The following SEMA3C variants were observed in gnomAD, a reference collection of about 807,000 sequenced individuals.
SEMA3C encodes semaphorin 3C.
In SEMA3C, 47 loss-of-function variants were observed where a neutral mutation model predicts 89.4. That is an observed-to-expected ratio of 0.53 (90% CI 0.42 to 0.67). The LOEUF is 0.67. SEMA3C is among the 30% of genes least tolerant of loss of function. The pLI is 0.00. For missense variants in SEMA3C, 839 were observed against 929.1 expected, an observed-to-expected ratio of 0.90 and a Z score of 1.26; for synonymous variants, 310 against 320.2, an observed-to-expected ratio of 0.97 and a Z score of 0.34.
At chr7:80,902,343 G>T (rs1434702414) in intron 2 of SEMA3C, among the ~76,000 whole-genome samples, 2 of 152,080 alleles carry the variant, frequency 1.3e-5, no homozygotes, top group African/African-American at 4.8e-5. Context: ...CTCAATTTGT[G>T]TTCTGTTTAT....
At chr7:80,859,452 G>T (rs1790719852) in intron 2 of SEMA3C, among the ~76,000 whole-genome samples, 1 of 152,114 alleles carries the variant, frequency 6.6e-6, no homozygotes, top group Admixed American at 6.6e-5. Flanking sequence ...TCATCCTAAA[G>T]ATTTCTACCA....
chr7:80,818,950 T>C (rs929043052), intron 4 of SEMA3C, among the ~76,000 whole-genome samples: 1 of 152,168 alleles, frequency 6.6e-6, no homozygotes, highest in Non-Finnish European at 1.5e-5. Context: ...CATTTACTGA[T>C]TACCTACTAT....
chr7:80,789,852 T>C (rs1013212633), intron 11 of SEMA3C, among the ~76,000 whole-genome samples: 1 of 152,198 alleles, frequency 6.6e-6, no homozygotes, highest in Admixed American at 6.6e-5. Context: ...CACCATTTTG[T>C]TCAGAAAACA....
At chr7:80,816,250 A>G (rs1431559101) in intron 5 of SEMA3C, 4 of 152,206 alleles carry the variant, frequency 2.6e-5, no homozygotes, top group Admixed American at 2.6e-4. Context: ...ATCTATGAAC[A>G]CAGACCAATG....
At chr7:80,816,403 G>A (rs1239661880) in intron 5 of SEMA3C, among the ~76,000 whole-genome samples, 13 of 152,146 alleles carry the variant, frequency 8.5e-5, no homozygotes, top group Non-Finnish European at 1.8e-4. Flanking sequence ...AGGGTCAGCA[G>A]TAAGTATCAC....
At chr7:80,746,530 C>T (rs1313507702) in intron 17 of SEMA3C, among the ~76,000 whole-genome samples, 6 of 151,862 alleles carry the variant, frequency 4.0e-5, no homozygotes, top group Non-Finnish European at 7.4e-5. Flanking sequence ...ATATTTGGCA[C>T]AATTACATTT....
At chr7:80,850,076 A>C (rs1420122730) in intron 2 of SEMA3C, among the ~76,000 whole-genome samples, 2 of 152,192 alleles carry the variant, frequency 1.3e-5, no homozygotes, top group African/African-American at 4.8e-5. Flanking sequence ...AAACTATGAT[A>C]CACTACTCTA....
chr7:80,920,484 T>G (rs1792387641), upstream of SEMA3C, among the ~76,000 whole-genome samples: 1 of 152,124 alleles, frequency 6.6e-6, no homozygotes, highest in African/African-American at 2.4e-5. Context: ...AAATCTCAGG[T>G]AGGAGGAAGA....
Position 80,761,675 on chromosome 7 carries a change from A to T in SEMA3C, c.1444-18T>A. 3 of 1,297,070 alleles carry T rather than the reference A, an allele frequency of 2.3e-6. No individual in the cohort carries two copies. The highest frequency in any genetic ancestry group is 3.2e-6 in the Non-Finnish European group (3 of 940,172). The allele number at this position is 1,297,070 out of a possible 1,614,324, so 80.3% of individuals were successfully genotyped here. On this transcript the variant is annotated intron_variant, in intron 13 of 17. Transcript: ENST00000265361. ...GCATGATTCTAAAATATTAGAAAAC[A>T]ACATGTTAGTTGCTCAAATATTGCT...
chr7:80,833,524 G>A (rs968684853), intron 2 of SEMA3C, among the ~76,000 whole-genome samples: 5 of 152,012 alleles, frequency 3.3e-5, no homozygotes, highest in South Asian at 2.1e-4. Context: ...TTCAAATACT[G>A]CAGGGAGCAA....
rs1215661147 is a variant in SEMA3C, at chr7:80,812,961, A to AT, written c.448-2261dup. Among the ~76,000 whole-genome samples the AT allele has an allele frequency of 5.4e-3, 499 of 92,498 alleles. 4 individuals are homozygous for AT. Among genetic ancestry groups the AT allele is most frequent in the Middle Eastern group, 0.024 (3 of 126 alleles). 60.7% of individuals were successfully genotyped at this position (92,498 alleles called of 152,430 possible). On this transcript the variant is annotated intron_variant, in intron 5 of 17. Transcript: ENST00000265361. Reference sequence around the variant, plus strand: ...ACCACCACGCCTGGCTATTTTTTGTATTTTTTTTTTTTTTTTTTTTTTTTA... The same window carrying AT: ...ACCACCACGCCTGGCTATTTTTTGTATTTTTTTTTTTTTTTTTTTTTTTTTA...
Position 80,751,324 on chromosome 7 carries a change from T to C in SEMA3C, c.1656A>G (p.Arg552=). Residue 552 remains arginine (R), a synonymous_variant, in exon 16 of 18, where the codon AGA becomes AGG. Transcript: ENST00000265361. ...GTGGGTTTCCATGTCTCACATCTTG[T>C]CTTCGGCTCCTCCTGCAAGTGCAGA... is the stretch of plus-strand genomic sequence containing the variant. ...FYPTGKRRSR[R]QDVRHGNPLT... The C allele has an allele frequency of 6.2e-7, 1 of 1,613,982 alleles. No homozygotes were observed. Among genetic ancestry groups the C allele is most frequent in the South Asian group, 1.1e-5 (1 of 91,084 alleles).
intron 2 of SEMA3C, among the ~76,000 whole-genome samples, chr7:80,846,263 T>C (rs936014951): frequency 6.6e-6 from 1 of 152,206 alleles, no homozygotes; most frequent in African/African-American, 2.4e-5. Context: ...GAGCTATCTG[T>C]ATTGTTTGGA....
chr7:80,760,640 A>G (rs1307357305), intron 14 of SEMA3C, among the ~76,000 whole-genome samples: 3 of 152,342 alleles, frequency 2.0e-5, no homozygotes, highest in Admixed American at 1.3e-4. Flanking sequence ...GAGCTCCAGA[A>G]TCATGTAATC....
At chr7:80,905,782 AG>A (rs910033187) in intron 2 of SEMA3C, 12 of 1,030,446 alleles carry the variant, frequency 1.2e-5, no homozygotes, top group Non-Finnish European at 1.6e-5. Flanking sequence ...GGTATGCAGC[AG>A]GGTTTGCCTG....
chr7:80,777,300 G>GTT (rs569289131), intron 12 of SEMA3C, among the ~76,000 whole-genome samples: 2 of 148,054 alleles, frequency 1.4e-5, no homozygotes, highest in Non-Finnish European at 3.0e-5. Context: ...TTTATTTGGG[G>GTT]TTTTTTTTTT....
chr7:80,789,191 A>G (rs1788874032), intron 12 of SEMA3C, 115 bp downstream of exon 12: 1 of 782,614 alleles, frequency 1.3e-6, no homozygotes, highest in Non-Finnish European at 2.1e-6. Context: ...TAAGGGCTAG[A>G]CAGACGTAAT....
chr7:80,827,568 A>G, intron 3 of SEMA3C, 81 bp from the exon 4 acceptor site: 1 of 1,153,702 alleles, frequency 8.7e-7, no homozygotes, highest in Non-Finnish European at 1.2e-6. Flanking sequence ...CTTTTTGTTA[A>G]CAGATTTATT....
At chr7:80,847,789 C>A (rs1318046442) in intron 2 of SEMA3C, among the ~76,000 whole-genome samples, 1 of 152,146 alleles carries the variant, frequency 6.6e-6, no homozygotes, top group Non-Finnish European at 1.5e-5. Context: ...AAAGCATACG[C>A]TAGACAGAGA....
Sources: allele counts gnomAD v4.1 joint callset (sites outside exome capture counted in the v4.1 genomes callset), GRCh38; gene constraint gnomAD v4.1.1; transcripts MANE v1.5; gene names NCBI Gene and HGNC (gene_info 2026-07-23, HGNC 2026-07-21).